The following INTS14 variants were observed in gnomAD, a reference collection of about 807,000 sequenced individuals.
INTS14 encodes integrator complex subunit 14.
INTS14 carries 27 observed loss-of-function variants against 56.9 expected under a neutral mutation model. That is an observed-to-expected ratio of 0.47 (90% confidence interval 0.35 to 0.65). The LOEUF is 0.65. Among genes scored for constraint, INTS14 ranks in the 30% least tolerant of loss-of-function variants. The pLI, the probability that INTS14 is intolerant of heterozygous loss-of-function variation, is 0.00. For missense variants in INTS14, 517 were observed against 632.2 expected (o/e 0.82, Z 1.95); for synonymous variants, 207 against 236.2 (o/e 0.88, Z 1.13).
intron 9 of INTS14, among the ~76,000 whole-genome samples, chr15:65,585,942 A>C (rs1213300796): frequency 6.6e-6 from 1 of 152,180 alleles, no homozygotes; most frequent in South Asian, 2.1e-4. Flanking sequence ...ATTTCCATTA[A>C]TATTTGTCAA....
In INTS14 at chr15:65,610,783, G is replaced by C. The variant is rs751346981; in HGVS notation, c.-63+315C>G. On this transcript the variant is annotated intron_variant, in intron 1 of 11. Transcript: ENST00000313182. ...TCCAGACTGAAAATCACATCTGGGA[G>C]ATGTATTTTTACCTTAAAAATCAGT... The C allele has an allele frequency of 2.4e-5, 37 of 1,535,660 alleles. 1 individual carries two copies. In the South Asian group the frequency reaches 3.9e-4, roughly 16 times the overall value.
intron 6 of INTS14, among the ~76,000 whole-genome samples, chr15:65,597,981 C>T (rs988399812): frequency 6.6e-6 from 1 of 152,056 alleles, no homozygotes; most frequent in Admixed American, 6.6e-5. Flanking sequence ...GTTGAGTATC[C>T]CCTATCTGAA....
In INTS14 at chr15:65,593,420, T is replaced by C. The variant is rs778983013; in HGVS notation, c.986+8A>G. 10 of 1,601,454 alleles carry C rather than the reference T, an allele frequency of 6.2e-6. No individual in the cohort carries two copies. The highest frequency in any genetic ancestry group is 5.1e-6 in the Non-Finnish European group (6 of 1,174,536). ...TTCATTCAACCAAATGTAAACAAAG[T>C]TTCCTACCCTAATTGAACAATCGCT... On this transcript the variant is annotated splice_region_variant and intron_variant, in intron 8 of 11. Coordinates refer to ENST00000313182, the MANE Select transcript of INTS14 (RefSeq NM_001394796.1).
intron 4 of INTS14, chr15:65,599,541 C>A: frequency 2.4e-6 from 1 of 410,020 alleles, no homozygotes. Context: ...TTTATGCACC[C>A]ATCAGCAGGA....
intron 2 of INTS14, 41 bp from the exon 3 acceptor site, chr15:65,605,277 T>C: frequency 6.9e-7 from 1 of 1,442,166 alleles, no homozygotes; most frequent in Non-Finnish European, 9.8e-7. Context: ...ACTCTTTAGT[T>C]TTAATTAGGT....
intron 1 of INTS14, chr15:65,610,671 T>A: frequency 6.5e-7 from 1 of 1,535,534 alleles, no homozygotes; most frequent in Non-Finnish European, 8.7e-7. Flanking sequence ...TCTACCTGAA[T>A]TTCTAGTGCC....
At position 65,593,429 on chromosome 15, in the gene INTS14, C is replaced by T. The variant is rs571556545; in HGVS notation, c.985G>A (p.Gly329Ser). The change falls in exon 8 of 12, where the codon GGT becomes AGT. Residue 329 changes from glycine to serine, a missense_variant and splice_region_variant. Physicochemically the swap from Gly to Ser is moderately conservative, Grantham distance 56. Transcript: ENST00000313182. ...VEGMVAIVQLGPEWHGMLYSQ... is the reference protein window; with the variant it reads ...VEGMVAIVQLSPEWHGMLYSQ... ...CCAAATGTAAACAAAGTTTCCTACC[C>T]TAATTGAACAATCGCTACCATTCCT... 3.7e-6 allele frequency: 6 copies of T among 1,608,956 alleles called. 1 individual carries two copies. The African/African-American group carries it at 5.3e-5, about 14-fold the overall frequency.
At chr15:65,584,294 T>C (rs2072738753) in intron 10 of INTS14, among the ~76,000 whole-genome samples, 1 of 152,220 alleles carries the variant, frequency 6.6e-6, no homozygotes. Flanking sequence ...GAAATATAGT[T>C]ATGAAGACTT....
intron 1 of INTS14, 106 bp downstream of exon 1, chr15:65,610,992 G>T: frequency 2.0e-6 from 3 of 1,499,588 alleles, no homozygotes; most frequent in Non-Finnish European, 2.7e-6. Flanking sequence ...CACGGTGGCG[G>T]GAAGGCCAAG....
intron 10 of INTS14, among the ~76,000 whole-genome samples, chr15:65,583,745 A>T (rs936470941): frequency 5.3e-5 from 8 of 151,610 alleles, no homozygotes; most frequent in East Asian, 1.9e-4. Context: ...AAAAAAAATT[A>T]AAAAAAATAA....
intron 3 of INTS14, among the ~76,000 whole-genome samples, chr15:65,602,860 T>C (rs536404151): frequency 1.3e-5 from 2 of 152,244 alleles, no homozygotes; most frequent in South Asian, 4.1e-4. Flanking sequence ...TAGAGACAGA[T>C]TCAGGCTTGG....
intron 9 of INTS14, among the ~76,000 whole-genome samples, chr15:65,585,176 A>ATAT: frequency 1.3e-5 from 2 of 150,790 alleles, no homozygotes; most frequent in South Asian, 4.2e-4. Context: ...ATATTTAAAA[A>ATAT]ATATATATAT....
intron 3 of INTS14, among the ~76,000 whole-genome samples, chr15:65,604,248 A>G (rs1232269275): frequency 6.6e-6 from 1 of 152,218 alleles, no homozygotes; most frequent in African/African-American, 2.4e-5. Context: ...ACACCCAGCT[A>G]ATTTTTGTAT....
intron 10 of INTS14, among the ~76,000 whole-genome samples, chr15:65,582,476 C>G (rs576016278): frequency 6.6e-6 from 1 of 152,028 alleles, no homozygotes; most frequent in Non-Finnish European, 1.5e-5. Flanking sequence ...TAGAAAAAAA[C>G]GGGCCAGGTG....
At chr15:65,603,930 T>C (rs1017789859) in intron 3 of INTS14, among the ~76,000 whole-genome samples, 7 of 152,244 alleles carry the variant, frequency 4.6e-5, no homozygotes, top group Non-Finnish European at 8.8e-5. Flanking sequence ...ATTTTTCTTT[T>C]AGCAATGTTT....
intron 3 of INTS14, among the ~76,000 whole-genome samples, chr15:65,604,565 C>CA (rs1032389286): frequency 5.9e-5 from 9 of 151,682 alleles, no homozygotes; most frequent in African/African-American, 1.5e-4. Flanking sequence ...CTGGTCTCTA[C>CA]AAAAAATGTA....
At chr15:65,581,874 G>A in intron 11 of INTS14, 80 bp downstream of exon 11, 1 of 1,402,268 alleles carries the variant, frequency 7.1e-7, no homozygotes, top group Non-Finnish European at 1.0e-6. Flanking sequence ...TCTAACCCCT[G>A]CCCATATTCA....
intron 2 of INTS14, 103 bp from the exon 3 acceptor site, chr15:65,605,339 T>G (rs1189487178): frequency 2.2e-5 from 18 of 814,352 alleles, no homozygotes; most frequent in Non-Finnish European, 3.4e-5. Flanking sequence ...CAGGGGACAC[T>G]GATGTATCTG....
intron 3 of INTS14, among the ~76,000 whole-genome samples, chr15:65,601,869 G>A (rs2073447136): frequency 6.6e-6 from 1 of 152,146 alleles, no homozygotes; most frequent in African/African-American, 2.4e-5. Context: ...TTCACGTAAT[G>A]TCAAAATGAA....
Sources: gnomAD v4.1 joint callset for allele counts (sites outside exome capture counted in the v4.1 genomes callset) on GRCh38, gnomAD v4.1.1 for gene constraint, MANE v1.5 for transcripts, NCBI Gene and HGNC (gene_info 2026-07-23, HGNC 2026-07-21) for gene names.